Variants in ENTREP2 observed in about 807,000 individuals in gnomAD.
The protein encoded by ENTREP2 is protein ENTREP2.
chr15:29,536,290 C>G, the ENTREP2 span, among the ~76,000 whole-genome samples: 4 of 152,284 alleles, frequency 2.6e-5, no homozygotes, highest in South Asian at 8.3e-4. Context: ...CCTAAAACTA[C>G]AGCAGCCTTC....
the ENTREP2 span, among the ~76,000 whole-genome samples, chr15:29,191,441 C>T: frequency 2.3e-5 from 3 of 131,030 alleles, no homozygotes; most frequent in Non-Finnish European, 3.3e-5. Flanking sequence ...GGGTGCAAAC[C>T]GTAACCAAGG....
At chr15:29,651,109 C>G in the ENTREP2 span, among the ~76,000 whole-genome samples, 1 of 152,234 alleles carries the variant, frequency 6.6e-6, no homozygotes, top group African/African-American at 2.4e-5. Flanking sequence ...TCAGGTCAGC[C>G]TGTTCTGGAA....
the ENTREP2 span, among the ~76,000 whole-genome samples, chr15:29,193,485 T>C: frequency 1.3e-5 from 2 of 152,232 alleles, no homozygotes; most frequent in African/African-American, 4.8e-5. Flanking sequence ...CCGCAGGTTC[T>C]TGGCCTTGGA....
the ENTREP2 span, among the ~76,000 whole-genome samples, chr15:29,391,107 C>G: frequency 3.3e-5 from 5 of 152,124 alleles, no homozygotes; most frequent in East Asian, 9.7e-4. Flanking sequence ...TTGGGTGTGG[C>G]TTTCTTTCTC....
At chr15:29,592,158 C>G in the ENTREP2 span, among the ~76,000 whole-genome samples, 78 of 152,228 alleles carry the variant, frequency 5.1e-4, no homozygotes, top group African/African-American at 1.8e-3. Flanking sequence ...CATCCTTGCT[C>G]TCTCTGCCCC....
At chr15:29,572,724 C>T in the ENTREP2 span, among the ~76,000 whole-genome samples, 750 of 152,002 alleles carry the variant, frequency 4.9e-3, 10 homozygotes, top group African/African-American at 0.018. Flanking sequence ...CACTGAAGAT[C>T]GAAGAATGAG....
the ENTREP2 span, chr15:29,377,060 G>GC: frequency 2.0e-5 from 3 of 152,106 alleles, no homozygotes; most frequent in Admixed American, 6.6e-5. Flanking sequence ...AGGCCAGTGT[G>GC]CCCCCCTGGG....
At chr15:29,509,607 A>G in the ENTREP2 span, among the ~76,000 whole-genome samples, 1 of 152,172 alleles carries the variant, frequency 6.6e-6, no homozygotes, top group South Asian at 2.1e-4. Flanking sequence ...CCACACAACT[A>G]CAACCAAATG....
chr15:29,254,158 G>C, the ENTREP2 span, among the ~76,000 whole-genome samples: 110 of 18,148 alleles, frequency 6.1e-3, no homozygotes, highest in Non-Finnish European at 9.8e-3. Context: ...ACTTGTTAAA[G>C]AGCAAAAAAA....
At chr15:29,601,621 G>A in the ENTREP2 span, among the ~76,000 whole-genome samples, 1 of 151,878 alleles carries the variant, frequency 6.6e-6, no homozygotes, top group Admixed American at 6.6e-5. Context: ...AACTCCACAT[G>A]GTCAGCTATT....
chr15:29,165,393 T>A, the ENTREP2 span, among the ~76,000 whole-genome samples: 1 of 152,128 alleles, frequency 6.6e-6, no homozygotes, highest in Non-Finnish European at 1.5e-5. Flanking sequence ...AACAAAAAGA[T>A]GGTTCTTTGA....
At chr15:29,606,680 C>A in the ENTREP2 span, among the ~76,000 whole-genome samples, 1 of 151,950 alleles carries the variant, frequency 6.6e-6, no homozygotes, top group African/African-American at 2.4e-5. Context: ...CCTTATAAGT[C>A]ACATAAGACT....
At chr15:29,640,449 G>A in the ENTREP2 span, among the ~76,000 whole-genome samples, 1 of 152,098 alleles carries the variant, frequency 6.6e-6, no homozygotes, top group Non-Finnish European at 1.5e-5. Flanking sequence ...TCTGAGCTCA[G>A]AAGTTTGAGA....
chr15:29,583,321 A>G, the ENTREP2 span, among the ~76,000 whole-genome samples: 1 of 152,208 alleles, frequency 6.6e-6, no homozygotes, highest in Non-Finnish European at 1.5e-5. Context: ...AAAAAGGAAC[A>G]AGATCATGTT....
At chr15:29,541,226 C>A in the ENTREP2 span, among the ~76,000 whole-genome samples, 2 of 152,126 alleles carry the variant, frequency 1.3e-5, no homozygotes, top group African/African-American at 4.8e-5. Flanking sequence ...CCTTGGAGGA[C>A]CCAACAACTG....
chr15:29,544,307 G>A, the ENTREP2 span, among the ~76,000 whole-genome samples: 1 of 152,148 alleles, frequency 6.6e-6, no homozygotes, highest in Non-Finnish European at 1.5e-5. Flanking sequence ...CAGATTGATA[G>A]AGACAGGAGG....
chr15:29,602,124 C>G, the ENTREP2 span, among the ~76,000 whole-genome samples: 7 of 152,186 alleles, frequency 4.6e-5, no homozygotes, highest in Admixed American at 2.6e-4. Context: ...CCACGAGAAG[C>G]AAAGCCTGCC....
At chr15:29,212,668 G>C in the ENTREP2 span, among the ~76,000 whole-genome samples, 1 of 152,134 alleles carries the variant, frequency 6.6e-6, no homozygotes, top group Non-Finnish European at 1.5e-5. Context: ...GTATCCCAGA[G>C]GTTTTGACAG....
At chr15:29,631,431 C>G in the ENTREP2 span, among the ~76,000 whole-genome samples, 2 of 152,174 alleles carry the variant, frequency 1.3e-5, no homozygotes, top group African/African-American at 4.8e-5. Flanking sequence ...ACTTAGGATG[C>G]AAGTCCCTTA....
Sources: allele counts gnomAD v4.1 joint callset (sites outside exome capture counted in the v4.1 genomes callset), GRCh38; gene constraint gnomAD v4.1.1; transcripts MANE v1.5; gene names NCBI Gene and HGNC (gene_info 2026-07-23, HGNC 2026-07-21).